SLAMF8: variants seen among roughly 807,000 people sequenced by gnomAD.
SLAMF8 encodes SLAM family member 8.
A neutral mutation model predicts 29.0 loss-of-function variants in SLAMF8; 23 were observed. That is an observed-to-expected ratio of 0.79 (90% confidence interval 0.57 to 1.13). The LOEUF (loss-of-function observed/expected upper bound fraction) is 1.13. Among genes scored for constraint, SLAMF8 ranks in the 50% most tolerant of loss-of-function variants. SLAMF8 has a pLI of 0.00. For missense variants in SLAMF8, 381 were observed against 353.1 expected, an observed-to-expected ratio of 1.08 and a Z score of -0.63; for synonymous variants, 139 against 145.6, an observed-to-expected ratio of 0.96 and a Z score of 0.32.
At chr1:159,829,138 T>C (rs761214197) in intron 1 of SLAMF8, among the ~76,000 whole-genome samples, 7 of 152,158 alleles carry the variant, frequency 4.6e-5, no homozygotes, top group Non-Finnish European at 7.4e-5. Flanking sequence ...CAAGTTGCCG[T>C]CACTTCTCCA....
intron 4 of SLAMF8, 140 bp downstream of exon 4, chr1:159,833,509 G>A: frequency 6.5e-6 from 8 of 1,235,880 alleles, no homozygotes; most frequent in Non-Finnish European, 6.7e-6. Context: ...GCCTTCTCTA[G>A]CTCATATCTT....
Position 159,836,848 on chromosome 1 carries a change from A to G in SLAMF8, c.*1588A>G. The stretch of plus-strand genomic sequence containing the variant: ...CCTTTCCCACACCCACTTCTCTCCT[A>G]TCACCTTCCCCCAAGATTACCTGAA... On this transcript the variant is annotated 3_prime_UTR_variant, in exon 5 of 5. Coordinates refer to ENST00000289707, the MANE Select transcript of SLAMF8 (RefSeq NM_020125.3). 1 of 985,372 alleles carries G rather than the reference A, an allele frequency of 1.0e-6. No homozygotes were observed. Among genetic ancestry groups the G allele is most frequent in the South Asian group, 4.7e-5 (1 of 21,270 alleles). The allele number at this position is 985,372 out of a possible 1,614,324, so 61.0% of individuals were successfully genotyped here.
In SLAMF8 at chr1:159,836,297, G is replaced by C; in HGVS notation, c.*1037G>C. ...CCTTAGTTCAAGGGGAGGGGACAAA[G>C]ACCCCACAGCCCAACAGCAGGACTG... On this transcript the variant is annotated 3_prime_UTR_variant, in exon 5 of 5. Transcript: ENST00000289707. 1.0e-6 allele frequency: 1 copy of C among 984,548 alleles called. No homozygotes were observed. The allele number at this position is 984,548 out of a possible 1,614,324, so 61.0% of individuals were successfully genotyped here. A position where few individuals can be genotyped will look rare whatever the true frequency, so the allele number is the denominator to read the frequency against.
intron 2 of SLAMF8, among the ~76,000 whole-genome samples, chr1:159,830,763 G>A (rs1051497665): frequency 1.3e-5 from 2 of 152,144 alleles, no homozygotes; most frequent in Admixed American, 1.3e-4. Context: ...TAAAAGTATA[G>A]AATTTACACA....
intron 1 of SLAMF8, among the ~76,000 whole-genome samples, chr1:159,829,482 C>T (rs1647314021): frequency 6.6e-6 from 1 of 152,204 alleles, no homozygotes; most frequent in Non-Finnish European, 1.5e-5. Context: ...CCAGGCCGCC[C>T]TCGGCTTGGC....
At chr1:159,829,206 T>G (rs754365642) in intron 1 of SLAMF8, among the ~76,000 whole-genome samples, 85 of 152,340 alleles carry the variant, frequency 5.6e-4, no homozygotes, top group Non-Finnish European at 1.1e-3. Context: ...TCCACATCCC[T>G]GCTGGAGTGA....
Position 159,830,169 on chromosome 1 carries a change from A to G in SLAMF8, c.344A>G (p.Gln115Arg). 6.2e-7 allele frequency: 1 copy of G among 1,607,694 alleles called. No homozygotes were observed. Among genetic ancestry groups the G allele is most frequent in the Non-Finnish European group, 8.5e-7 (1 of 1,175,642 alleles). ...MVDTRGQPWT[Q>R]TLQLKVYDAV... ...GACACAAGGGGCCAGCCCTGGACCCAGACCCTCCAGCTCAAGGTGTACGGT... is the reference window on the plus strand; with the variant it reads ...GACACAAGGGGCCAGCCCTGGACCCGGACCCTCCAGCTCAAGGTGTACGGT... Residue 115 changes from glutamine to arginine, a missense_variant, in exon 2 of 5, where the codon CAG becomes CGG. By Grantham distance (43) the Gln-to-Arg change is conservative. Transcript: ENST00000289707.
intron 2 of SLAMF8, 104 bp downstream of exon 2, chr1:159,830,296 T>G (rs1462293222): frequency 1.6e-6 from 2 of 1,277,096 alleles, no homozygotes; most frequent in Non-Finnish European, 2.1e-6. Flanking sequence ...CAGAAAGCTC[T>G]GGTCTCTGAC....
At chr1:159,827,092 T>C (rs1557885847) in intron 1 of SLAMF8, among the ~76,000 whole-genome samples, 154 bp downstream of exon 1, 2 of 152,158 alleles carry the variant, frequency 1.3e-5, no homozygotes, top group African/African-American at 2.4e-5. Flanking sequence ...TTGGGCAACA[T>C]TTTAAGCTAG....
Position 159,836,596 on chromosome 1 carries a change from A to C in SLAMF8, c.*1336A>C. 1 of 985,278 alleles carries C rather than the reference A, an allele frequency of 1.0e-6. No individual in the cohort carries two copies. The highest frequency in any genetic ancestry group is 1.2e-6 in the Non-Finnish European group (1 of 829,912). 61.0% of individuals were successfully genotyped at this position (985,278 alleles called of 1,614,324 possible). On this transcript the variant is annotated 3_prime_UTR_variant, in exon 5 of 5. Transcript: ENST00000289707. ...GAAACAGGGGTGGGTTTGAAGTACT[A>C]TTTTCCCAGGGTGGCTTCAATCTCC...
intron 2 of SLAMF8, among the ~76,000 whole-genome samples, chr1:159,832,615 G>A (rs984356475): frequency 1.3e-5 from 2 of 152,260 alleles, no homozygotes; most frequent in Admixed American, 1.3e-4. Context: ...TGGGAAAACT[G>A]CAAATTAATT....
intron 4 of SLAMF8, among the ~76,000 whole-genome samples, chr1:159,834,094 C>T (rs1271740970): frequency 1.3e-5 from 2 of 152,200 alleles, no homozygotes; most frequent in African/African-American, 4.8e-5. Context: ...CAGCTCAGTC[C>T]CTTCCTCTGC....
At position 159,829,988 on chromosome 1, in the gene SLAMF8, C is replaced by A. The variant is rs769820043; in HGVS notation, c.163C>A (p.Pro55Thr). Residue 55 changes from proline (P) to threonine (T), a missense_variant, in exon 2 of 5, where the codon CCT becomes ACT. By Grantham distance (38) the Pro-to-Thr change is conservative. Coordinates refer to ENST00000289707, the MANE Select transcript of SLAMF8 (RefSeq NM_020125.3). Reference protein sequence around the residue: ...VREAIWRSLWPSEELLATFFR... With the variant: ...VREAIWRSLWTSEELLATFFR... ...TGAGGCTATCTGGCGATCTCTCTGG[C>A]CTTCAGAAGAGCTCCTGGCCACGTT... The A allele has an allele frequency of 3.1e-6, 5 of 1,614,250 alleles. No homozygotes were observed. The highest frequency in any genetic ancestry group is 4.5e-5 in the East Asian group (2 of 44,884).
rs1054604221 is a variant in SLAMF8, at chr1:159,837,210, C to T, written c.*1950C>T. On this transcript the variant is annotated 3_prime_UTR_variant, in exon 5 of 5. Transcript: ENST00000289707. ...CGTGGTGCACCAGGGCCTTGTTGAA[C>T]AGATCCACACTGCTCTAATAAAGTT... The T allele has an allele frequency of 4.1e-6, 4 of 984,476 alleles. No individual in the cohort carries two copies. Among genetic ancestry groups the T allele is most frequent in the Non-Finnish European group, 4.8e-6 (4 of 829,726 alleles). The allele number at this position is 984,476 out of a possible 1,614,324, so 61.0% of individuals were successfully genotyped here.
In SLAMF8 at chr1:159,829,888, TG is replaced by T. The variant is rs1158348877; in HGVS notation, c.65del (p.Gly22ValfsTer5). ...CAGCCCTACTTCCCATTACAGTTACTGGTGCCCAAGTGCTGAGCAAAGTCGG... is the reference window on the plus strand; with the variant it reads ...CAGCCCTACTTCCCATTACAGTTACTGTGCCCAAGTGCTGAGCAAAGTCGG... ...WEALLPITVT[G>X]AQVLSKVGGS... On this transcript the variant is annotated frameshift_variant, in exon 2 of 5. Coordinates refer to ENST00000289707, the MANE Select transcript of SLAMF8 (RefSeq NM_020125.3). LOFTEE classifies it high-confidence loss of function. 1 of 1,612,342 alleles carries T rather than the reference TG, an allele frequency of 6.2e-7. No homozygotes were observed.
At chr1:159,829,814 A>G in intron 1 of SLAMF8, 52 bp from the exon 2 acceptor site, 1 of 1,491,344 alleles carries the variant, frequency 6.7e-7, no homozygotes, top group South Asian at 1.3e-5. Context: ...GCATGCAAAG[A>G]AGGATGAGGA....
chr1:159,830,741 T>C (rs746261371), intron 2 of SLAMF8, among the ~76,000 whole-genome samples: 1 of 152,248 alleles, frequency 6.6e-6, no homozygotes, highest in African/African-American at 2.4e-5. Context: ...CAAATTATAA[T>C]GAAACTGTAA....
In SLAMF8 at chr1:159,830,111, G is replaced by A. The variant is rs1647371848; in HGVS notation, c.286G>A (p.Gly96Arg). The A allele has an allele frequency of 3.7e-6, 6 of 1,614,234 alleles. No homozygotes were observed. In the South Asian group the frequency reaches 5.5e-5, roughly 15 times the overall value. Reference protein sequence around the residue: ...LSLELGPLESGDSGNFSVLMV... With the variant: ...LSLELGPLESRDSGNFSVLMV... ...CCTGGAGCTCGGGCCGCTGGAGTCT[G>A]GAGACAGCGGCAACTTCTCCGTGTT... Residue 96 changes from glycine (G) to arginine (R), a missense_variant, in exon 2 of 5, where the codon GGA (glycine) becomes AGA (arginine). Physicochemically the swap from Gly to Arg is moderately radical, Grantham distance 125. Transcript: ENST00000289707.
rs535004478 is a variant in SLAMF8 at position 159,829,576 on chromosome 1, C to T, written c.41-290C>T. Among the ~76,000 whole-genome samples, 5 of 152,342 alleles carry T rather than the reference C, an allele frequency of 3.3e-5. No homozygotes were observed. The East Asian group carries it at 7.7e-4, about 24-fold the overall frequency. On this transcript the variant is annotated intron_variant, in intron 1 of 4. Transcript: ENST00000289707. ...CAAGGCTGGGTGAGATCCCCTGTCA[C>T]CCTACCTGTGTTCTCCCAGGGCATC...
Sources: allele counts gnomAD v4.1 joint callset (sites outside exome capture counted in the v4.1 genomes callset), GRCh38; gene constraint gnomAD v4.1.1; transcripts MANE v1.5; gene names NCBI Gene and HGNC (gene_info 2026-07-23, HGNC 2026-07-21).